The following SATB1 variants were observed in gnomAD, a reference collection of about 807,000 sequenced individuals.
The protein encoded by SATB1 is DNA-binding protein SATB1.
SATB1 carries 11 observed loss-of-function variants against 86.9 expected under a neutral mutation model. The ratio of observed to expected loss-of-function variants is 0.13; its 90% CI spans 0.08 to 0.21. The LOEUF is 0.21. Ranked by LOEUF, SATB1 falls within the 10% of genes least tolerant of loss-of-function variation. The pLI, the probability that SATB1 is intolerant of heterozygous loss-of-function variation, is 1.00. For missense variants in SATB1, 551 were observed against 937.6 expected, an observed-to-expected ratio of 0.59 and a Z score of 5.39; for synonymous variants, 357 against 357.2, an observed-to-expected ratio of 1.00 and a Z score of 0.01.
upstream of SATB1, among the ~76,000 whole-genome samples, chr3:18,439,626 C>A (rs1022956551): frequency 6.6e-6 from 1 of 151,832 alleles, no homozygotes; most frequent in South Asian, 2.1e-4. Flanking sequence ...GAAGGAGAAC[C>A]TTATGTAACA....
chr3:18,375,787 G>C (rs1695715286), intron 9 of SATB1, among the ~76,000 whole-genome samples: 1 of 152,062 alleles, frequency 6.6e-6, no homozygotes. Flanking sequence ...TTCATAAACA[G>C]GGTAGTGCTA....
chr3:18,428,914 C>A (rs1176045669), upstream of SATB1, among the ~76,000 whole-genome samples: 1 of 152,150 alleles, frequency 6.6e-6, no homozygotes, highest in South Asian at 2.1e-4. Context: ...ATTTAGAATT[C>A]GAGTGCTTTT....
In SATB1 at chr3:18,378,197, A is replaced by G. The variant is rs1293512116; in HGVS notation, c.1548T>C (p.Phe516=). ...GGCTTTTGGTTGCTGCAACCTTTGC[A>G]AACAGTGCTTGAGACACTTTAGCAC... ...MKRAKVSQAL[F]AKVAATKSQG... The change falls in exon 9 of 11, where the codon TTT becomes TTC. Residue 516 remains phenylalanine (F), a synonymous_variant. Transcript: ENST00000338745. The G allele has an allele frequency of 5.0e-6, 8 of 1,591,732 alleles. No individual in the cohort carries two copies. The highest frequency in any genetic ancestry group is 5.1e-6 in the Non-Finnish European group (6 of 1,171,550).
chr3:18,393,341 GTTGTTGTTTT>G (rs1696789445), intron 7 of SATB1, among the ~76,000 whole-genome samples: 1 of 67,914 alleles, frequency 1.5e-5, no homozygotes, highest in Non-Finnish European at 3.9e-5. Flanking sequence ...TTTTGGTTTT[GTTGTTGTTTT>G]TTGTTTTGTT....
intron 2 of SATB1, among the ~76,000 whole-genome samples, chr3:18,436,096 A>G (rs1447656043): frequency 6.6e-6 from 1 of 152,230 alleles, no homozygotes; most frequent in Non-Finnish European, 1.5e-5. Flanking sequence ...ACCCTACTGC[A>G]ATTTCAGAAT....
At chr3:18,370,689 G>C (rs1372220890) in intron 9 of SATB1, among the ~76,000 whole-genome samples, 1 of 151,970 alleles carries the variant, frequency 6.6e-6, no homozygotes, top group African/African-American at 2.4e-5. Context: ...CTCAAATTTG[G>C]ACCTCAAAAT....
chr3:18,430,622 C>T (rs1260288395), intron 2 of SATB1, among the ~76,000 whole-genome samples: 1 of 152,138 alleles, frequency 6.6e-6, no homozygotes, highest in Admixed American at 6.5e-5. Context: ...ATCCAGATAA[C>T]AAATAATGAT....
chr3:18,410,230 T>C (rs1001509772), intron 5 of SATB1, among the ~76,000 whole-genome samples: 3 of 152,026 alleles, frequency 2.0e-5, no homozygotes, highest in Admixed American at 6.6e-5. Context: ...TGAGAATAAA[T>C]ACACTTGGAA....
intron 9 of SATB1, among the ~76,000 whole-genome samples, chr3:18,369,462 A>G (rs1454801339): frequency 6.6e-6 from 1 of 151,990 alleles, no homozygotes; most frequent in Non-Finnish European, 1.5e-5. Flanking sequence ...AGACAACCCC[A>G]TTTTTCTAGA....
chr3:18,397,068 A>G (rs1696997027), intron 6 of SATB1, 111 bp downstream of exon 6: 2 of 685,970 alleles, frequency 2.9e-6, no homozygotes, highest in East Asian at 5.1e-5. Flanking sequence ...AACATTCTAA[A>G]TTGATCTCTA....
chr3:18,361,890 T>G (rs1694921271), intron 9 of SATB1, among the ~76,000 whole-genome samples: 1 of 152,272 alleles, frequency 6.6e-6, no homozygotes, highest in Admixed American at 6.5e-5. Flanking sequence ...TGTGCATGTG[T>G]GTGTATGTAT....
chr3:18,372,673 C>T (rs1227409395), intron 9 of SATB1, among the ~76,000 whole-genome samples: 1 of 152,140 alleles, frequency 6.6e-6, no homozygotes, highest in East Asian at 1.9e-4. Flanking sequence ...TTCAGATCCA[C>T]AATTAGCTCT....
chr3:18,394,865 T>C lies in SATB1; in HGVS notation c.803A>G (p.Asn268Ser), dbSNP rs945810886. The change falls in exon 7 of 11, where the codon AAT (asparagine) becomes AGT (serine). Residue 268 changes from asparagine (N) to serine (S), a missense_variant. By Grantham distance (46) the Asn-to-Ser change is conservative (BLOSUM62 1). Transcript: ENST00000338745. This position sits in a 1 kb window ranked among gnomAD's most constrained non-coding sequence, Gnocchi z 5.9. ...CCCTGGAACTGGTTGCTGGCCAAAA[T>C]TGACATGATTGGCGCCTTGCTGGGA... ...ELSQQGANHV[N>S]FGQQPVPGNT... 1.9e-6 allele frequency: 3 copies of C among 1,612,580 alleles called. No homozygotes were observed. Among genetic ancestry groups the C allele is most frequent in the African/African-American group, 1.3e-5 (1 of 74,860 alleles).
At position 18,409,248 on chromosome 3, in the gene SATB1, T is replaced by G. The variant is rs558780870; in HGVS notation, c.639+5863A>C. On this transcript the variant is annotated intron_variant, in intron 5 of 10. Transcript: ENST00000338745. Reference sequence around the variant, plus strand: ...ATTAGATGCTTTATTAAGTTTGGCTTTTTTGATTAATATACCTGAAAGGTT... The same window carrying G: ...ATTAGATGCTTTATTAAGTTTGGCTGTTTTGATTAATATACCTGAAAGGTT... 3.3e-5 allele frequency: 5 copies of G among 152,206 alleles called. No homozygotes were observed. The East Asian group carries it at 7.8e-4, about 24-fold the overall frequency. 9.4% of individuals were successfully genotyped at this position (152,206 alleles called of 1,614,324 possible). A position where few individuals can be genotyped will look rare whatever the true frequency, so the allele number is the denominator to read the frequency against.
At chr3:18,421,032 G>A in intron 1 of SATB1, 41 bp from the exon 2 acceptor site, 1 of 1,399,308 alleles carries the variant, frequency 7.1e-7, no homozygotes, top group East Asian at 2.3e-5. Flanking sequence ...AGTTGGGCGG[G>A]GACCTACGTG....
rs1182895238 is a variant in SATB1, at chr3:18,349,537, C to T, written c.1925G>A (p.Arg642Gln). The T allele has an allele frequency of 8.1e-6, 13 of 1,613,984 alleles. No homozygotes were observed. The highest frequency in any genetic ancestry group is 1.3e-5 in the African/African-American group (1 of 74,910). Residue 642 changes from arginine (R) to glutamine (Q), a missense_variant, in exon 11 of 11, where the codon CGA (arginine) becomes CAA (glutamine). Arg to Gln is a conservative substitution (Grantham distance 43). This residue lies in a region of SATB1 where 87 missense variants were observed against 103.6 expected (regional missense o/e 0.84). Coordinates refer to ENST00000338745, the MANE Select transcript of SATB1 (RefSeq NM_002971.6). This position sits in a 1 kb window ranked among gnomAD's most constrained non-coding sequence, Gnocchi z 5.5. ...TTTTGTTCGTGGCCGGGTCTTCTGTCGGTTTTCCTCATCTGACTCTGCTGG... is the reference window on the plus strand; with the variant it reads ...TTTTGTTCGTGGCCGGGTCTTCTGTTGGTTTTCCTCATCTGACTCTGCTGG... The part of the protein sequence containing the change: ...ASPAESDEEN[R>Q]QKTRPRTKIS...
intron 9 of SATB1, among the ~76,000 whole-genome samples, chr3:18,356,930 C>T (rs566461996): frequency 6.6e-6 from 1 of 151,768 alleles, no homozygotes; most frequent in South Asian, 2.1e-4. Context: ...AGGAAACAGA[C>T]TTTGGTATTC....
intron 5 of SATB1, 28 bp downstream of exon 5, chr3:18,415,080 CTTA>C: frequency 6.2e-7 from 1 of 1,610,916 alleles, no homozygotes; most frequent in East Asian, 2.2e-5. Flanking sequence ...CCCATGATGT[CTTA>C]TTATTTATTA....
At chr3:18,377,947 T>C (rs1047761642) in intron 9 of SATB1, among the ~76,000 whole-genome samples, 2 of 152,152 alleles carry the variant, frequency 1.3e-5, no homozygotes, top group Non-Finnish European at 2.9e-5. Context: ...GACTTGGGGA[T>C]TTACCATAAA....
Sources: allele counts gnomAD v4.1 joint callset (sites outside exome capture counted in the v4.1 genomes callset), GRCh38; gene constraint gnomAD v4.1.1; regional missense constraint gnomAD v4.1.1; non-coding constraint Gnocchi (gnomAD v3.1); transcripts MANE v1.5; gene names NCBI Gene and HGNC (gene_info 2026-07-23, HGNC 2026-07-21).